Variants in RAPGEF6 observed in about 807,000 individuals in gnomAD.
RAPGEF6 encodes the protein Rap guanine nucleotide exchange factor 6.
RAPGEF6 carries 56 observed loss-of-function variants against 171.4 expected under a neutral mutation model. The ratio of observed to expected loss-of-function variants is 0.33; its 90% CI spans 0.26 to 0.41. The LOEUF (loss-of-function observed/expected upper bound fraction) is 0.41. Among genes scored for constraint, RAPGEF6 ranks in the 10% least tolerant of loss-of-function variants. The pLI, the probability that RAPGEF6 is intolerant of heterozygous loss-of-function variation, is 1.00. For synonymous variants in RAPGEF6, 692 were observed against 650.1 expected, an observed-to-expected ratio of 1.06 and a Z score of -0.98; for missense variants, 1,674 against 1,921.4, an observed-to-expected ratio of 0.87 and a Z score of 2.41.
chr5:131,587,716 T>G (rs1301666433), intron 4 of RAPGEF6, among the ~76,000 whole-genome samples: 1 of 152,094 alleles, frequency 6.6e-6, no homozygotes, highest in Non-Finnish European at 1.5e-5. Context: ...TCCCTCAAAG[T>G]GAGTAACAGA....
At chr5:131,623,431 T>G (rs1765708171) in intron 1 of RAPGEF6, among the ~76,000 whole-genome samples, 1 of 151,614 alleles carries the variant, frequency 6.6e-6, no homozygotes, top group African/African-American at 2.4e-5. Context: ...ATTAGACCAG[T>G]AGAAATCACT....
At position 131,492,720 on chromosome 5, in the gene RAPGEF6, A is replaced by G. The variant is rs1756364917; in HGVS notation, c.1593T>C (p.Val531=). The stretch of plus-strand genomic sequence containing the variant: ...ACTCGCGGGAAGCCTTTTGCAGCAC[A>G]ACCTGTCTCCACTTAGCCTTTGCAG... ...ACAAKAKWRQ[V]VLQKASRESP... Residue 531 remains valine, a synonymous_variant, in exon 14 of 28, where the codon GTT becomes GTC. Transcript: ENST00000509018. 1 of 1,614,010 alleles carries G rather than the reference A, an allele frequency of 6.2e-7. No homozygotes were observed. Among genetic ancestry groups the G allele is most frequent in the African/African-American group, 1.3e-5 (1 of 74,930 alleles).
intron 2 of RAPGEF6, 30 bp downstream of exon 2, chr5:131,604,593 G>C (rs773768282): frequency 6.2e-7 from 1 of 1,602,976 alleles, no homozygotes; most frequent in Non-Finnish European, 8.5e-7. Flanking sequence ...GCTATACAGC[G>C]TGTGCTCTTA....
chr5:131,604,903 T>C (rs992390033), intron 1 of RAPGEF6, among the ~76,000 whole-genome samples: 3 of 152,196 alleles, frequency 2.0e-5, no homozygotes, highest in African/African-American at 7.2e-5. Context: ...ACGTGACCAA[T>C]GGCCTCTATT....
Position 131,436,519 on chromosome 5 carries a change from G to A in RAPGEF6, c.3746-2861C>T, listed in dbSNP as rs190265476. 3.4e-5 allele frequency: 27 copies of A among 796,124 alleles called. No homozygotes were observed. The East Asian group carries it at 7.1e-4, about 21-fold the overall frequency. The allele number at this position is 796,124 out of a possible 1,614,324, so 49.3% of individuals were successfully genotyped here. A position where few individuals can be genotyped will look rare whatever the true frequency, so the allele number is the denominator to read the frequency against. On this transcript the variant is annotated intron_variant, in intron 24 of 27. Transcript: ENST00000509018. ...TCTAGCAACATATTTTTTAATGCATGGAAAAAAATCTACTTATATATAAAA... is the reference window on the plus strand; with the variant it reads ...TCTAGCAACATATTTTTTAATGCATAGAAAAAAATCTACTTATATATAAAA...
intron 7 of RAPGEF6, among the ~76,000 whole-genome samples, chr5:131,516,216 T>TA (rs780941599): frequency 1.8e-4 from 28 of 151,980 alleles, no homozygotes; most frequent in Non-Finnish European, 3.1e-4. Flanking sequence ...GCCTCCTGAG[T>TA]AGCTGGTGCA....
chr5:131,448,562 C>T (rs114821454), intron 21 of RAPGEF6, among the ~76,000 whole-genome samples: 1,838 of 152,080 alleles, frequency 0.012, 40 homozygotes, highest in African/African-American at 0.04. Flanking sequence ...AATTTTAACA[C>T]AAATATTTAA....
At chr5:131,557,867 T>C (rs1191989646) in intron 5 of RAPGEF6, among the ~76,000 whole-genome samples, 2 of 152,300 alleles carry the variant, frequency 1.3e-5, no homozygotes, top group East Asian at 1.9e-4. Context: ...TGTAGTCATG[T>C]TGTTTTATCC....
chr5:131,507,978 C>T, intron 9 of RAPGEF6, 93 bp downstream of exon 9: 1 of 1,141,650 alleles, frequency 8.8e-7, no homozygotes. Flanking sequence ...TTTCAAAAAT[C>T]AGTACTCAAA....
At chr5:131,561,384 G>A (rs62383390) in intron 5 of RAPGEF6, among the ~76,000 whole-genome samples, 2,101 of 152,174 alleles carry the variant, frequency 0.014, 22 homozygotes, top group South Asian at 0.022. Context: ...GAGGCTGGGC[G>A]CAGTGACCCA....
chr5:131,595,314 T>C (rs753611902), intron 3 of RAPGEF6, among the ~76,000 whole-genome samples: 1 of 152,088 alleles, frequency 6.6e-6, no homozygotes, highest in South Asian at 2.1e-4. Flanking sequence ...TAAGGAGTGC[T>C]TGTTTCCCCT....
At chr5:131,592,588 G>T in intron 3 of RAPGEF6, 122 bp from the exon 4 acceptor site, 1 of 1,434,694 alleles carries the variant, frequency 7.0e-7, no homozygotes, top group Non-Finnish European at 9.2e-7. Flanking sequence ...AACACTACCT[G>T]GAAATTTGGA....
chr5:131,603,628 G>A (rs565271737), intron 2 of RAPGEF6, among the ~76,000 whole-genome samples: 1 of 152,132 alleles, frequency 6.6e-6, no homozygotes, highest in South Asian at 2.1e-4. Context: ...ATATACATTT[G>A]TCTGATTCAC....
intron 4 of RAPGEF6, among the ~76,000 whole-genome samples, chr5:131,582,024 C>T (rs1762998635): frequency 6.6e-6 from 1 of 152,190 alleles, no homozygotes; most frequent in South Asian, 2.1e-4. Context: ...GCTCCTAACT[C>T]CACCACCTAT....
At chr5:131,580,611 T>C (rs1762900663) in intron 4 of RAPGEF6, among the ~76,000 whole-genome samples, 2 of 152,328 alleles carry the variant, frequency 1.3e-5, no homozygotes, top group African/African-American at 2.4e-5. Context: ...AGGTTATTCA[T>C]AGACACTATG....
intron 13 of RAPGEF6, among the ~76,000 whole-genome samples, chr5:131,495,285 T>A (rs1756561986): frequency 6.8e-6 from 1 of 147,036 alleles, no homozygotes; most frequent in Non-Finnish European, 1.5e-5. Context: ...ACAGCGAGAC[T>A]CCGTCTCAAA....
At position 131,510,414 on chromosome 5, in the gene RAPGEF6, C is replaced by T. The variant is rs1459167924; in HGVS notation, c.705G>A (p.Glu235=). 1.9e-6 allele frequency: 3 copies of T among 1,614,038 alleles called. No individual in the cohort carries two copies. The highest frequency in any genetic ancestry group is 2.5e-6 in the Non-Finnish European group (3 of 1,180,032). The change falls in exon 8 of 28, where the codon GAG becomes GAA. Residue 235 remains glutamate, a synonymous_variant. Transcript: ENST00000509018. The part of the protein sequence containing the change: ...EGPVDSEDDE[E]EDEEIDRTDP... ...CTGTTCGATCAATCTCTTCATCTTCCTCTTCGTCATCCTCAGAATCAACAG... is the reference window on the plus strand; with the variant it reads ...CTGTTCGATCAATCTCTTCATCTTCTTCTTCGTCATCCTCAGAATCAACAG...
chr5:131,607,924 T>C (rs779561104), intron 1 of RAPGEF6, among the ~76,000 whole-genome samples: 1 of 152,086 alleles, frequency 6.6e-6, no homozygotes, highest in Non-Finnish European at 1.5e-5. Flanking sequence ...GACAAATATA[T>C]AAAACGTTTT....
chr5:131,622,816 T>C (rs1765672807), intron 1 of RAPGEF6, among the ~76,000 whole-genome samples: 1 of 152,220 alleles, frequency 6.6e-6, no homozygotes, highest in Non-Finnish European at 1.5e-5. Flanking sequence ...GTGCATCTGC[T>C]GTGGGAAAGC....
Sources: allele counts gnomAD v4.1 joint callset (sites outside exome capture counted in the v4.1 genomes callset), GRCh38; gene constraint gnomAD v4.1.1; transcripts MANE v1.5; gene names NCBI Gene and HGNC (gene_info 2026-07-23, HGNC 2026-07-21).